The following CRYZ variants were observed in gnomAD, a reference collection of about 807,000 sequenced individuals.
CRYZ encodes the protein crystallin zeta.
CRYZ carries 35 observed loss-of-function variants against 34.1 expected under a neutral mutation model. The ratio of observed to expected loss-of-function variants is 1.03; its 90% CI spans 0.78 to 1.36. CRYZ has a LOEUF of 1.36. Among genes scored for constraint, CRYZ ranks in the 40% most tolerant of loss-of-function variants. The pLI is 0.00. For synonymous variants in CRYZ, 137 were observed against 136.5 expected (o/e 1.00, Z -0.03); for missense variants, 403 against 391.8 (o/e 1.03, Z -0.24).
At chr1:74,714,536 TAA>T (rs1480248162) in intron 5 of CRYZ, 41 bp downstream of exon 5, 1 of 1,584,386 alleles carries the variant, frequency 6.3e-7, no homozygotes, top group East Asian at 2.2e-5. Flanking sequence ...GTGAAACCCA[TAA>T]ACCCAAGCTT....
chr1:74,725,546 T>C (rs1178830353), intron 1 of CRYZ, among the ~76,000 whole-genome samples: 1 of 150,146 alleles, frequency 6.7e-6, no homozygotes, highest in Non-Finnish European at 1.5e-5. Context: ...ACATGGGAAT[T>C]ATGGGAGCTA....
intron 4 of CRYZ, among the ~76,000 whole-genome samples, chr1:74,715,915 T>C (rs1163098969): frequency 2.0e-5 from 3 of 151,812 alleles, no homozygotes. Context: ...AGTGTTTTTT[T>C]TTTTTTTTCG....
intron 1 of CRYZ, among the ~76,000 whole-genome samples, chr1:74,731,348 C>T (rs1186996312): frequency 6.6e-6 from 1 of 152,018 alleles, no homozygotes; most frequent in Non-Finnish European, 1.5e-5. Context: ...CATTATGAGA[C>T]AAGAGCAAAA....
At chr1:74,718,760 G>A (rs1449933541) in intron 4 of CRYZ, among the ~76,000 whole-genome samples, 1 of 143,186 alleles carries the variant, frequency 7.0e-6, no homozygotes, top group East Asian at 1.9e-4. Context: ...AGAGGGTCTG[G>A]GGTAGGGCCC....
In CRYZ at chr1:74,724,747, T is replaced by C. The variant is rs1430322872; in HGVS notation, c.75A>G (p.Arg25=). The change falls in exon 2 of 9, where the codon CGA becomes CGG. Residue 25 remains arginine, a synonymous_variant. Transcript: ENST00000340866. The part of the protein sequence containing the change: ...EFGGPEVLKL[R]SDIAVPIPKD... ...TTGGAATCGGTACTGCAATATCTGA[T>C]CGCAATTTCAGGACTTCTGGCCCAC... 6.2e-7 allele frequency: 1 copy of C among 1,613,342 alleles called. No individual in the cohort carries two copies. The highest frequency in any genetic ancestry group is 1.7e-5 in the Admixed American group (1 of 59,858).
At chr1:74,714,434 C>A in intron 5 of CRYZ, 145 bp downstream of exon 5, 1 of 677,668 alleles carries the variant, frequency 1.5e-6, no homozygotes, top group Non-Finnish European at 2.5e-6. Flanking sequence ...CTTCAGAAGA[C>A]CAAAATCAAA....
chr1:74,720,132 A>G (rs1290516147), intron 3 of CRYZ, among the ~76,000 whole-genome samples: 1 of 152,122 alleles, frequency 6.6e-6, no homozygotes, highest in African/African-American at 2.4e-5. Flanking sequence ...AATAGCAGTC[A>G]ATATAAACTG....
chr1:74,711,050 G>A (rs1022540481), intron 5 of CRYZ, among the ~76,000 whole-genome samples: 10 of 152,112 alleles, frequency 6.6e-5, no homozygotes, highest in African/African-American at 2.4e-4. Context: ...GGATGCTGTG[G>A]GCATAGTGAA....
At chr1:74,716,367 A>G (rs914916636) in intron 4 of CRYZ, among the ~76,000 whole-genome samples, 2 of 152,098 alleles carry the variant, frequency 1.3e-5, no homozygotes, top group Admixed American at 6.6e-5. Context: ...AACCCTGACT[A>G]ATACAGTCAT....
Position 74,707,111 on chromosome 1 carries a change from G to A in CRYZ, c.724C>T (p.Arg242Ter), listed in dbSNP as rs756850761. The change falls in exon 7 of 9, where the codon CGA (arginine) becomes TGA (stop). Residue 242 changes from arginine (R) to a stop codon, truncating the protein, a stop_gained. Transcript: ENST00000340866. LOFTEE classifies it high-confidence loss of function. The part of the protein sequence containing the change: ...KDLSLLSHGG[R>*]VIVVGSRGTI... ...AGAAAAGGAATACTTACTATCACTC[G>A]TCCTCCATGTGACAGAAGACTCAAG... is the stretch of plus-strand genomic sequence containing the variant. 4.1e-5 allele frequency: 65 copies of A among 1,569,808 alleles called. No individual in the cohort carries two copies. The highest frequency in any genetic ancestry group is 2.0e-4 in the South Asian group (17 of 85,058).
At chr1:74,714,752 C>A in intron 4 of CRYZ, 122 bp from the exon 5 acceptor site, 1 of 847,064 alleles carries the variant, frequency 1.2e-6, no homozygotes, top group East Asian at 2.7e-5. Context: ...ACAGCAAATG[C>A]AACCTGACAT....
At chr1:74,723,778 G>A (rs1172407213) in intron 2 of CRYZ, among the ~76,000 whole-genome samples, 1 of 152,216 alleles carries the variant, frequency 6.6e-6, no homozygotes, top group Admixed American at 6.5e-5. Context: ...AGAAGAAGCT[G>A]AGTCCCTAAG....
rs556476030 is a variant in CRYZ, at chr1:74,706,931, T to C, written c.796A>G (p.Ile266Val). The change falls in exon 8 of 9, where the codon ATA (isoleucine) becomes GTA (valine). Residue 266 changes from isoleucine (I) to valine (V), a missense_variant. Physicochemically the swap from Ile to Val is conservative, Grantham distance 29 (BLOSUM62 3). Coordinates refer to ENST00000340866, the MANE Select transcript of CRYZ (RefSeq NM_001889.4). Reference sequence around the variant, plus strand: ...GAGGAAAAGAGAGTAACTCCAATTATACTCGACTCCTTTGCCATGGTGTCT... The same window carrying C: ...GAGGAAAAGAGAGTAACTCCAATTACACTCGACTCCTTTGCCATGGTGTCT... ...PRDTMAKESS[I>V]IGVTLFSSTK... 1.8e-4 allele frequency: 287 copies of C among 1,613,182 alleles called. 3 individuals are homozygous for C. In the South Asian group the frequency reaches 3.0e-3, roughly 17 times the overall value.
Position 74,724,745 on chromosome 1 carries a change from G to A in CRYZ, c.77C>T (p.Ser26Leu). The A allele has an allele frequency of 1.2e-6, 2 of 1,612,870 alleles. No homozygotes were observed. The highest frequency in any genetic ancestry group is 1.7e-6 in the Non-Finnish European group (2 of 1,179,298). Residue 26 changes from serine (S) to leucine (L), a missense_variant, in exon 2 of 9, where the codon TCA becomes TTA. Transcript: ENST00000340866. ...TTTTGGAATCGGTACTGCAATATCT[G>A]ATCGCAATTTCAGGACTTCTGGCCC... ...FGGPEVLKLR[S>L]DIAVPIPKDH...
At chr1:74,712,533 G>A (rs1647019173) in intron 5 of CRYZ, among the ~76,000 whole-genome samples, 1 of 152,156 alleles carries the variant, frequency 6.6e-6, no homozygotes, top group Admixed American at 6.5e-5. Flanking sequence ...GCCTGAAGTG[G>A]ACCTTAAAGA....
intron 1 of CRYZ, among the ~76,000 whole-genome samples, chr1:74,725,744 T>A (rs1401930757): frequency 6.6e-6 from 1 of 152,160 alleles, no homozygotes; most frequent in Non-Finnish European, 1.5e-5. Context: ...ACAAGGCAAC[T>A]CTCTTCTGCC....
chr1:74,706,125 A>T lies in CRYZ; in HGVS notation c.*171T>A. On this transcript the variant is annotated 3_prime_UTR_variant, in exon 9 of 9. Transcript: ENST00000340866. ...ACAGATGGCATAAAAAAATATTGCT[A>T]GCTATACAATAAATTTTACTCTTCT... 2.0e-6 allele frequency: 1 copy of T among 506,020 alleles called. No individual in the cohort carries two copies. The highest frequency in any genetic ancestry group is 3.4e-6 in the Non-Finnish European group (1 of 290,376). 31.3% of individuals were successfully genotyped at this position (506,020 alleles called of 1,614,324 possible).
At chr1:74,715,071 A>AT (rs1411466739) in intron 4 of CRYZ, among the ~76,000 whole-genome samples, 1 of 151,718 alleles carries the variant, frequency 6.6e-6, no homozygotes, top group African/African-American at 2.4e-5. Flanking sequence ...CACAGTAGCT[A>AT]TTTTTTTTGC....
At chr1:74,726,483 C>T (rs1332121210) in intron 1 of CRYZ, among the ~76,000 whole-genome samples, 5 of 152,284 alleles carry the variant, frequency 3.3e-5, no homozygotes, top group Admixed American at 6.5e-5. Context: ...AGGCTGCACA[C>T]GGCATGGAGG....
Sources: allele counts gnomAD v4.1 joint callset (sites outside exome capture counted in the v4.1 genomes callset), GRCh38; gene constraint gnomAD v4.1.1; transcripts MANE v1.5; gene names NCBI Gene and HGNC (gene_info 2026-07-23, HGNC 2026-07-21).